Variants in CCL28 observed in about 807,000 individuals in gnomAD.
The protein encoded by CCL28 is C-C motif chemokine 28.
Under a neutral mutation model 7.1 loss-of-function variants are expected in CCL28, and 4 were observed. The ratio of observed to expected loss-of-function variants is 0.56; its 90% CI spans 0.28 to 1.29. The LOEUF (loss-of-function observed/expected upper bound fraction) is 1.29. Among genes scored for constraint, CCL28 ranks in the 50% most tolerant of loss-of-function variants. CCL28 has a pLI of 0.11. For missense variants in CCL28, 151 were observed against 163.4 expected, an observed-to-expected ratio of 0.92 and a Z score of 0.41; for synonymous variants, 55 against 57.8, an observed-to-expected ratio of 0.95 and a Z score of 0.22.
chr5:43,365,004 CT>C, the CCL28 span, among the ~76,000 whole-genome samples: 3,465 of 112,706 alleles, frequency 0.031, 47 homozygotes, highest in East Asian at 0.082. Context: ...GGTCTTGACT[CT>C]TTTTTTTTTT....
intron 1 of CCL28, among the ~76,000 whole-genome samples, chr5:43,400,462 GGCGTGATCCACTGC>G (rs965236526): frequency 6.6e-6 from 1 of 152,114 alleles, no homozygotes; most frequent in African/African-American, 2.4e-5. Context: ...CTGGATTACA[GGCGTGATCCACTGC>G]GCCTGGCAGA....
Position 43,379,498 on chromosome 5 carries a change from T to C in CCL28, c.*2362A>G, listed in dbSNP as rs945211526. 6.6e-6 allele frequency: 1 copy of C among 152,186 alleles called. No individual in the cohort carries two copies. Among genetic ancestry groups the C allele is most frequent in the Non-Finnish European group, 1.5e-5 (1 of 68,026 alleles). 9.4% of individuals were successfully genotyped at this position (152,186 alleles called of 1,614,324 possible). On this transcript the variant is annotated 3_prime_UTR_variant, in exon 3 of 3. Transcript: ENST00000361115. ...TTTCCTCATCTATAAAGTGGAAATA[T>C]AAATACAAAGCTTGCAGAAATGTCA...
intron 1 of CCL28, among the ~76,000 whole-genome samples, chr5:43,396,011 A>G (rs1740787053): frequency 6.6e-6 from 1 of 151,710 alleles, no homozygotes; most frequent in South Asian, 2.1e-4. Flanking sequence ...AGCTGGTACT[A>G]CAGACGCCCG....
chr5:43,401,698 A>C (rs1741045877), intron 1 of CCL28, among the ~76,000 whole-genome samples: 1 of 152,196 alleles, frequency 6.6e-6, no homozygotes, highest in Non-Finnish European at 1.5e-5. Context: ...GCCAATATGC[A>C]GTACAGTCCC....
At chr5:43,385,809 T>C (rs1024416262) in intron 2 of CCL28, among the ~76,000 whole-genome samples, 4 of 152,212 alleles carry the variant, frequency 2.6e-5, no homozygotes, top group Admixed American at 6.5e-5. Context: ...TTAATTAAAA[T>C]TGAGTCCTTT....
intron 2 of CCL28, among the ~76,000 whole-genome samples, chr5:43,386,981 T>TTTGTTGAA (rs1406559537): frequency 1.3e-5 from 2 of 152,164 alleles, no homozygotes; most frequent in African/African-American, 4.8e-5. Flanking sequence ...TTCATAAATA[T>TTTGTTGAA]TTGTTGAATT....
At position 43,406,076 on chromosome 5, in the gene CCL28, G is replaced by A. The variant is rs886143402; in HGVS notation, c.64+6177C>T. On this transcript the variant is annotated intron_variant, in intron 1 of 2. Transcript: ENST00000361115. ...TGAATTCTACCAGAGGTACAAGAAG[G>A]AGCTGGTACCATTCCTTCTAAAACT... 1.1e-4 allele frequency among the ~76,000 whole-genome samples: 17 copies of A among 152,166 alleles called. 1 individual carries two copies. The highest frequency in any genetic ancestry group is 4.1e-4 in the African/African-American group (17 of 41,478).
At position 43,388,465 on chromosome 5, in the gene CCL28, T is replaced by C; in HGVS notation, c.76A>G (p.Ile26Val). The C allele has an allele frequency of 6.2e-7, 1 of 1,613,764 alleles. No homozygotes were observed. Among genetic ancestry groups the C allele is most frequent in the Non-Finnish European group, 8.5e-7 (1 of 1,179,914 alleles). ...ACCTCCGTGCAACAGCTGGAGGCAA[T>C]GGGAAGTATGGCTAAAAGAAGAAAA... ...ALHASEAILP[I>V]ASSCCTEVSH... The change falls in exon 2 of 3, where the codon ATT (isoleucine) becomes GTT (valine). Residue 26 changes from isoleucine to valine, a missense_variant. Coordinates refer to ENST00000361115, the MANE Select transcript of CCL28 (RefSeq NM_148672.3).
chr5:43,361,830 T>C, the CCL28 span, among the ~76,000 whole-genome samples: 1 of 150,456 alleles, frequency 6.6e-6, no homozygotes, highest in Non-Finnish European at 1.5e-5. Flanking sequence ...CTGGGCTCTC[T>C]ATTCTGTTCC....
chr5:43,405,724 G>A (rs188104422), intron 1 of CCL28, among the ~76,000 whole-genome samples: 2 of 150,778 alleles, frequency 1.3e-5, no homozygotes, highest in African/African-American at 4.9e-5. Flanking sequence ...TTTTTGAAAA[G>A]ATCAACAAAA....
chr5:43,366,224 T>A, the CCL28 span, among the ~76,000 whole-genome samples: 96 of 152,372 alleles, frequency 6.3e-4, no homozygotes, highest in African/African-American at 2.1e-3. Context: ...GGAATTGTGA[T>A]CCTTTGGAGG....
the CCL28 span, among the ~76,000 whole-genome samples, chr5:43,365,651 T>C: frequency 1.3e-5 from 2 of 152,226 alleles, no homozygotes; most frequent in Non-Finnish European, 2.9e-5. Flanking sequence ...ATTGCTCTTC[T>C]TGAAGAGTAT....
rs1215156918 is a variant in CCL28, at chr5:43,380,228, C to A, written c.*1632G>T. 1 of 152,096 alleles carries A rather than the reference C, an allele frequency of 6.6e-6. No individual in the cohort carries two copies. The highest frequency in any genetic ancestry group is 1.5e-5 in the Non-Finnish European group (1 of 68,036). The allele number at this position is 152,096 out of a possible 1,614,324, so 9.4% of individuals were successfully genotyped here. On this transcript the variant is annotated 3_prime_UTR_variant, in exon 3 of 3. Coordinates refer to ENST00000361115, the MANE Select transcript of CCL28 (RefSeq NM_148672.3). Reference sequence around the variant, plus strand: ...GAGCGTAAAATCACCACACAGAAGGCCGAACTCTGGGCCCCTAACTAGTGC... The same window carrying A: ...GAGCGTAAAATCACCACACAGAAGGACGAACTCTGGGCCCCTAACTAGTGC...
the CCL28 span, among the ~76,000 whole-genome samples, chr5:43,366,010 C>T: frequency 6.6e-6 from 1 of 152,118 alleles, no homozygotes; most frequent in Non-Finnish European, 1.5e-5. Flanking sequence ...TTTTCAGCTC[C>T]TTCAGGTCAT....
Position 43,397,684 on chromosome 5 carries a change from G to A in CCL28, c.65-9208C>T, listed in dbSNP as rs187038169. The stretch of plus-strand genomic sequence containing the variant: ...AAATCTGACTGCATTTTCACGCCTC[G>A]ATCATCTCTCTTGCCTCACAGGAGT... On this transcript the variant is annotated intron_variant, in intron 1 of 2. Transcript: ENST00000361115. 2.7e-4 allele frequency among the ~76,000 whole-genome samples: 41 copies of A among 152,102 alleles called. 1 individual carries two copies. Among genetic ancestry groups the A allele is most frequent in the Admixed American group, 2.7e-3 (41 of 15,274 alleles).
At chr5:43,360,297 T>C in the CCL28 span, among the ~76,000 whole-genome samples, 1 of 152,190 alleles carries the variant, frequency 6.6e-6, no homozygotes, top group Non-Finnish European at 1.5e-5. Context: ...GGGACTTTTT[T>C]TTAATTTTAG....
chr5:43,370,420 A>G, the CCL28 span, among the ~76,000 whole-genome samples: 1 of 151,590 alleles, frequency 6.6e-6, no homozygotes, highest in Admixed American at 6.6e-5. Flanking sequence ...GGCATGATAC[A>G]CCCAGGAATG....
intron 2 of CCL28, chr5:43,384,167 G>A (rs918030755): frequency 6.5e-6 from 1 of 154,240 alleles, no homozygotes; most frequent in Non-Finnish European, 1.5e-5. Context: ...TACGATTCAA[G>A]TCCATTATAA....
At chr5:43,364,301 A>ATG in the CCL28 span, among the ~76,000 whole-genome samples, 11 of 112,612 alleles carry the variant, frequency 9.8e-5, no homozygotes, top group Non-Finnish European at 1.6e-4. Context: ...AAGCAAAACT[A>ATG]TATATGTGTG....
Sources: allele counts gnomAD v4.1 joint callset (sites outside exome capture counted in the v4.1 genomes callset), GRCh38; gene constraint gnomAD v4.1.1; transcripts MANE v1.5; gene names NCBI Gene and HGNC (gene_info 2026-07-23, HGNC 2026-07-21).